RBM20: variants seen among roughly 807,000 people sequenced by gnomAD.
The protein encoded by RBM20 is RNA-binding protein 20.
RBM20 carries 51 observed loss-of-function variants against 110.1 expected under a neutral mutation model. That is an observed-to-expected ratio of 0.46 (90% CI 0.37 to 0.59). The LOEUF is 0.59. Among genes scored for constraint, RBM20 ranks in the 20% least tolerant of loss-of-function variants. The probability of loss-of-function intolerance (pLI) is 0.00; values close to 1 mark genes in which losing one functional copy is unlikely to be tolerated. For synonymous variants in RBM20, 589 were observed against 618.2 expected (o/e 0.95, Z 0.70); for missense variants, 1,512 against 1,574.9 (o/e 0.96, Z 0.68).
At chr10:110,701,444 T>C (rs1292527753) in intron 1 of RBM20, among the ~76,000 whole-genome samples, 1 of 152,188 alleles carries the variant, frequency 6.6e-6, no homozygotes, top group Non-Finnish European at 1.5e-5. Context: ...ACGGGGAACA[T>C]GCTGTTCCCA....
At chr10:110,757,974 A>T (rs931434795) in intron 1 of RBM20, among the ~76,000 whole-genome samples, 1 of 147,712 alleles carries the variant, frequency 6.8e-6, no homozygotes, top group Non-Finnish European at 1.5e-5. Flanking sequence ...TCATAGGCAT[A>T]GGGCATACAG....
intron 1 of RBM20, among the ~76,000 whole-genome samples, chr10:110,737,520 C>T (rs1386860163): frequency 6.6e-6 from 1 of 152,170 alleles, no homozygotes; most frequent in Non-Finnish European, 1.5e-5. Flanking sequence ...AGAAACAGAA[C>T]ACTACCAGCA....
intron 1 of RBM20, among the ~76,000 whole-genome samples, chr10:110,768,282 T>G (rs958215166): frequency 1.3e-5 from 2 of 151,810 alleles, no homozygotes; most frequent in African/African-American, 4.9e-5. Flanking sequence ...AACTTTCTTA[T>G]GGCCACAGCT....
intron 1 of RBM20, among the ~76,000 whole-genome samples, chr10:110,766,668 A>T (rs1338689064): frequency 6.6e-6 from 1 of 151,282 alleles, no homozygotes; most frequent in South Asian, 2.1e-4. Flanking sequence ...ACAGGATCAC[A>T]AGGCAGAAGA....
chr10:110,689,643 AGTTT>A (rs141088267), intron 1 of RBM20, among the ~76,000 whole-genome samples: 26,571 of 151,922 alleles, frequency 0.17, 2,552 homozygotes, highest in East Asian at 0.31. Context: ...AAATCTAGGG[AGTTT>A]GTTTGTTGGG....
intron 1 of RBM20, among the ~76,000 whole-genome samples, chr10:110,680,679 C>T (rs998904700): frequency 5.3e-5 from 8 of 152,092 alleles, no homozygotes; most frequent in South Asian, 4.2e-4. Context: ...GGAGGGTGCA[C>T]GCCTGGGGGA....
chr10:110,730,595 G>A (rs548326737), intron 1 of RBM20, among the ~76,000 whole-genome samples: 1 of 152,384 alleles, frequency 6.6e-6, no homozygotes, highest in East Asian at 1.9e-4. Context: ...TAAGTTGCTA[G>A]GAACTTCATC....
chr10:110,708,189 T>C (rs1862869825), intron 1 of RBM20, among the ~76,000 whole-genome samples: 1 of 152,222 alleles, frequency 6.6e-6, no homozygotes, highest in Non-Finnish European at 1.5e-5. Flanking sequence ...GCTCTGGTAA[T>C]CACCATTTTG....
At chr10:110,798,662 A>G (rs898480948) in intron 6 of RBM20, among the ~76,000 whole-genome samples, 6 of 152,184 alleles carry the variant, frequency 3.9e-5, no homozygotes, top group African/African-American at 1.2e-4. Context: ...AATGCCATAG[A>G]CTATGACAGC....
intron 1 of RBM20, among the ~76,000 whole-genome samples, chr10:110,654,592 C>T (rs776258876): frequency 1.3e-5 from 2 of 151,546 alleles, no homozygotes; most frequent in African/African-American, 2.4e-5. Flanking sequence ...ATGACTTGCC[C>T]TGGTGCCTAA....
intron 5 of RBM20, among the ~76,000 whole-genome samples, chr10:110,792,819 C>A (rs1844501461): frequency 6.6e-6 from 1 of 152,182 alleles, no homozygotes; most frequent in African/African-American, 2.4e-5. Context: ...AAAGATGAGA[C>A]TACCACCAAC....
At chr10:110,713,099 AG>A (rs1222841485) in intron 1 of RBM20, among the ~76,000 whole-genome samples, 12 of 152,162 alleles carry the variant, frequency 7.9e-5, no homozygotes, top group Admixed American at 7.9e-4. Flanking sequence ...CCTGCTCTTT[AG>A]GGCTTTTAGT....
At chr10:110,750,271 C>G (rs1843835776) in intron 1 of RBM20, among the ~76,000 whole-genome samples, 1 of 152,190 alleles carries the variant, frequency 6.6e-6, no homozygotes, top group South Asian at 2.1e-4. Context: ...AAGGTGGAAA[C>G]TATCGTTGTA....
At chr10:110,732,910 C>G (rs1384914824) in intron 1 of RBM20, among the ~76,000 whole-genome samples, 1 of 152,170 alleles carries the variant, frequency 6.6e-6, no homozygotes, top group East Asian at 1.9e-4. Context: ...AACCTGGAAA[C>G]AAGAATGACC....
intron 1 of RBM20, among the ~76,000 whole-genome samples, chr10:110,707,143 C>G (rs996986849): frequency 7.2e-5 from 11 of 152,226 alleles, no homozygotes; most frequent in African/African-American, 2.6e-4. Flanking sequence ...AAAGGAAAAT[C>G]TATTTAGTGA....
At chr10:110,834,276 C>T (rs1401751716) in intron 13 of RBM20, among the ~76,000 whole-genome samples, 1 of 152,198 alleles carries the variant, frequency 6.6e-6, no homozygotes, top group Non-Finnish European at 1.5e-5. Context: ...CCAGGCCCTC[C>T]ATCAGCAGCT....
intron 2 of RBM20, 111 bp downstream of exon 2, chr10:110,781,995 G>T: frequency 7.4e-7 from 1 of 1,353,808 alleles, no homozygotes. Flanking sequence ...TGGGGTAACA[G>T]AATTTTGCCA....
In RBM20 at chr10:110,737,177, C is replaced by CAAAAAAAAAAAAAAAAAAAA. The variant is rs550138775; in HGVS notation, c.192-43623_192-43604dup. Among the ~76,000 whole-genome samples the CAAAAAAAAAAAAAAAAAAAA allele has an allele frequency of 6.4e-3, 170 of 26,608 alleles. 30 individuals are homozygous for CAAAAAAAAAAAAAAAAAAAA. Among genetic ancestry groups the CAAAAAAAAAAAAAAAAAAAA allele is most frequent in the African/African-American group, 9.5e-3 (53 of 5,578 alleles). 17.5% of individuals were successfully genotyped at this position (26,608 alleles called of 152,430 possible). ...GGGCAAGAAGAGTGAAACTCTGCCT[C>CAAAAAAAAAAAAAAAAAAAA]AAAAAAAAAAAAAAAAAAAACACCC... On this transcript the variant is annotated intron_variant, in intron 1 of 13. Transcript: ENST00000369519.
chr10:110,802,743 G>A lies in RBM20; in HGVS notation c.1800+2825G>A, dbSNP rs533879441. ...GAGTGCTCACCGTGGGTGGAACTGGGCCAGGTGCCATGGAGGGAGAAGTAG... is the reference window on the plus strand; with the variant it reads ...GAGTGCTCACCGTGGGTGGAACTGGACCAGGTGCCATGGAGGGAGAAGTAG... On this transcript the variant is annotated intron_variant, in intron 7 of 13. Coordinates refer to ENST00000369519, the MANE Select transcript of RBM20 (RefSeq NM_001134363.3). Among the ~76,000 whole-genome samples the A allele has an allele frequency of 1.6e-4, 24 of 152,324 alleles. 1 individual carries two copies. Among genetic ancestry groups the A allele is most frequent in the South Asian group, 8.3e-4 (4 of 4,830 alleles).
Sources: gnomAD v4.1 joint callset for allele counts (sites outside exome capture counted in the v4.1 genomes callset) on GRCh38, gnomAD v4.1.1 for gene constraint, MANE v1.5 for transcripts, NCBI Gene and HGNC (gene_info 2026-07-23, HGNC 2026-07-21) for gene names.